The following MEF2C variants were observed in gnomAD, a reference collection of about 807,000 sequenced individuals.
MEF2C encodes the protein myocyte-specific enhancer factor 2C.
MEF2C carries 6 observed loss-of-function variants against 50.5 expected under a neutral mutation model. The observed-to-expected ratio is 0.12, with a 90% CI of 0.07 to 0.23. The LOEUF is 0.23. MEF2C is among the 10% of genes least tolerant of loss of function. The pLI, the probability that MEF2C is intolerant of heterozygous loss-of-function variation, is 1.00. For missense variants in MEF2C, 276 were observed against 605.0 expected, an observed-to-expected ratio of 0.46 and a Z score of 5.70; for synonymous variants, 183 against 228.0, an observed-to-expected ratio of 0.80 and a Z score of 1.78.
chr5:88,884,245 T>G (rs900933453), upstream of MEF2C: 3 of 152,196 alleles, frequency 2.0e-5, no homozygotes, highest in Non-Finnish European at 4.4e-5. Context: ...ACCCTAATAG[T>G]TGCTCTTGTG....
chr5:88,833,963 T>C (rs1002647385), intron 1 of MEF2C, among the ~76,000 whole-genome samples: 2 of 152,168 alleles, frequency 1.3e-5, no homozygotes, highest in Non-Finnish European at 2.9e-5. Flanking sequence ...ACCTTCATTG[T>C]GAGCTAAATG....
At chr5:88,850,697 C>T (rs1234868627) in intron 1 of MEF2C, among the ~76,000 whole-genome samples, 1 of 151,918 alleles carries the variant, frequency 6.6e-6, no homozygotes, top group Admixed American at 6.6e-5. Context: ...CACGCACACA[C>T]ATATACACAT....
chr5:88,801,006 T>A (rs1798096164), intron 3 of MEF2C, among the ~76,000 whole-genome samples: 2 of 152,216 alleles, frequency 1.3e-5, no homozygotes, highest in Non-Finnish European at 1.5e-5. Context: ...AAAGACATGA[T>A]AATTACGCAG....
chr5:88,852,451 G>A (rs1335762721), intron 1 of MEF2C, among the ~76,000 whole-genome samples: 2 of 152,138 alleles, frequency 1.3e-5, no homozygotes, highest in African/African-American at 4.8e-5. Context: ...CTGGATTCTG[G>A]TTGTATTAAC....
chr5:88,739,757 A>T (rs1446322362), intron 6 of MEF2C: 1 of 984,714 alleles, frequency 1.0e-6, no homozygotes, highest in Non-Finnish European at 1.2e-6. Context: ...AAAAAAAGAT[A>T]TTTTACATTG....
intron 3 of MEF2C, among the ~76,000 whole-genome samples, chr5:88,765,549 T>C (rs896291761): frequency 6.6e-6 from 1 of 152,260 alleles, no homozygotes; most frequent in Admixed American, 6.5e-5. Context: ...ATAGTCGATA[T>C]GAACGAAAGG....
intron 3 of MEF2C, among the ~76,000 whole-genome samples, chr5:88,790,196 G>T (rs1793070034): frequency 1.3e-5 from 2 of 152,276 alleles, no homozygotes; most frequent in East Asian, 3.9e-4. Context: ...TTCCTTTCAA[G>T]AATTAGTTTC....
intron 5 of MEF2C, among the ~76,000 whole-genome samples, chr5:88,749,901 G>A (rs1254647665): frequency 2.0e-5 from 3 of 151,910 alleles, no homozygotes; most frequent in African/African-American, 7.3e-5. Flanking sequence ...GTGGTGGCGG[G>A]TGCCTGTGGT....
chr5:88,776,608 A>G (rs776114373), intron 3 of MEF2C, among the ~76,000 whole-genome samples: 1 of 152,192 alleles, frequency 6.6e-6, no homozygotes, highest in Non-Finnish European at 1.5e-5. Context: ...AGAGGTTATA[A>G]ATAGATAGAA....
rs1191509767 is a variant in MEF2C, at chr5:88,751,945, G to A, written c.501C>T (p.Pro167=). ...AAGGGTGAGCCAGTGGCAATAGGTT[G>A]GGGTTTCCCAGTGAGCTGACAGGGT... is the stretch of plus-strand genomic sequence containing the variant. ...YSNPVSSLGN[P]NLLPLAHPSL... The change falls in exon 5 of 11, where the codon CCC becomes CCT. Residue 167 remains proline, a synonymous_variant. Transcript: ENST00000504921. 1 of 1,614,028 alleles carries A rather than the reference G, an allele frequency of 6.2e-7. No individual in the cohort carries two copies. The highest frequency in any genetic ancestry group is 1.7e-5 in the Admixed American group (1 of 60,030).
chr5:88,761,521 G>GA (rs1482086555), intron 3 of MEF2C, among the ~76,000 whole-genome samples, 193 bp from the exon 4 acceptor site: 2 of 152,148 alleles, frequency 1.3e-5, no homozygotes, highest in Non-Finnish European at 2.9e-5. Context: ...AAATAAAAGC[G>GA]AAAGATTCCT....
intron 1 of MEF2C, among the ~76,000 whole-genome samples, chr5:88,861,007 G>A (rs1042817204): frequency 1.3e-5 from 2 of 152,026 alleles, no homozygotes; most frequent in Admixed American, 6.5e-5. Context: ...TAGAAATGCC[G>A]ATAATTTAGA....
intron 1 of MEF2C, among the ~76,000 whole-genome samples, chr5:88,902,479 TTGGG>T (rs1299519832): frequency 1.3e-5 from 2 of 151,290 alleles, no homozygotes; most frequent in Admixed American, 6.6e-5. Context: ...GCTATTTTGT[TTGGG>T]TGGAGTATTT....
chr5:88,853,832 T>C (rs1822278708), intron 1 of MEF2C, among the ~76,000 whole-genome samples: 1 of 152,220 alleles, frequency 6.6e-6, no homozygotes, highest in Non-Finnish European at 1.5e-5. Context: ...ACATGAATGC[T>C]TTGGATAAAG....
intron 1 of MEF2C, among the ~76,000 whole-genome samples, chr5:88,868,016 C>G (rs2153442590): frequency 6.6e-6 from 1 of 152,206 alleles, no homozygotes; most frequent in East Asian, 1.9e-4. Flanking sequence ...CCAAAAAGAC[C>G]TATGACTAAG....
At chr5:88,876,874 A>G (rs1831223295) in intron 1 of MEF2C, among the ~76,000 whole-genome samples, 1 of 151,988 alleles carries the variant, frequency 6.6e-6, no homozygotes, top group South Asian at 2.1e-4. Flanking sequence ...CATCTTATCT[A>G]TGACAACAAG....
At chr5:88,823,191 C>T (rs1266729477) in intron 2 of MEF2C, among the ~76,000 whole-genome samples, 1 of 151,852 alleles carries the variant, frequency 6.6e-6, no homozygotes, top group Non-Finnish European at 1.5e-5. Context: ...ACCGATAGTC[C>T]TTGCCTATAT....
rs10692741 is a variant in MEF2C, at chr5:88,837,002, C to CAAAAAAAAAAAAAA, written c.-142-13086_-142-13073dup. Among the ~76,000 whole-genome samples the CAAAAAAAAAAAAAA allele has an allele frequency of 2.3e-5, 2 of 87,014 alleles. 1 individual carries two copies. The allele number at this position is 87,014 out of a possible 152,430, so 57.1% of individuals were successfully genotyped here. On this transcript the variant is annotated intron_variant, in intron 1 of 10. Coordinates refer to ENST00000504921, the MANE Select transcript of MEF2C (RefSeq NM_002397.5). ...CCTAAGATTTTAACAAGCTGTTTCT[C>CAAAAAAAAAAAAAA]AAAAAAAAAAAAAAAAAAAAAAGTC... is the stretch of plus-strand genomic sequence containing the variant.
chr5:88,767,271 T>C (rs1024167065), intron 3 of MEF2C, among the ~76,000 whole-genome samples: 2 of 152,238 alleles, frequency 1.3e-5, no homozygotes, highest in African/African-American at 2.4e-5. Flanking sequence ...ACTTATAACA[T>C]TGTATGGTTT....
Sources: gnomAD v4.1 joint callset for allele counts (sites outside exome capture counted in the v4.1 genomes callset) on GRCh38, gnomAD v4.1.1 for gene constraint, MANE v1.5 for transcripts, NCBI Gene and HGNC (gene_info 2026-07-23, HGNC 2026-07-21) for gene names.